The following SHISAL2A variants were observed in gnomAD, a reference collection of about 807,000 sequenced individuals.
The protein encoded by SHISAL2A is protein shisa-like-2A.
In SHISAL2A, 18 loss-of-function variants were observed where a neutral mutation model predicts 11.5. The ratio of observed to expected loss-of-function variants is 1.57; its 90% CI spans 1.08 to 2.33. SHISAL2A has a LOEUF of 2.33. SHISAL2A is among the 30% of genes most tolerant of loss of function. The probability of loss-of-function intolerance (pLI) is 0.00; values close to 1 mark genes in which losing one functional copy is unlikely to be tolerated. For missense variants in SHISAL2A, 261 were observed against 250.9 expected (o/e 1.04, Z -0.27); for synonymous variants, 94 against 99.6 (o/e 0.94, Z 0.34).
At chr1:52,659,640 G>C (rs541499384), downstream of SHISAL2A, 5 of 152,520 alleles carry the variant, frequency 3.3e-5, no homozygotes, top group African/African-American at 9.7e-5. Context: ...TAGTGAGAGC[G>C]AGCCAGTGTG....
In SHISAL2A at chr1:52,656,791, C is replaced by T; in HGVS notation, c.324C>T (p.Gly108=). ...CACCCTCAGTTTGCTGTTTTCCAGG[C>T]CCTGAGGAGGTTTCTCCTGACTGCC... ...LDLGLSLQTA[G]PEEVSPDCQG... is the part of the protein sequence containing the mutation. Residue 108 remains glycine (G), a splice_region_variant and synonymous_variant, in exon 3 of 3, where the codon GGC becomes GGT. Coordinates refer to ENST00000517870, the MANE Select transcript of SHISAL2A (RefSeq NM_001042693.3). 1.2e-6 allele frequency: 2 copies of T among 1,604,924 alleles called. No individual in the cohort carries two copies. The highest frequency in any genetic ancestry group is 1.7e-6 in the Non-Finnish European group (2 of 1,174,458).
downstream of SHISAL2A, among the ~76,000 whole-genome samples, chr1:52,658,175 G>A (rs1269848363): frequency 6.6e-6 from 1 of 152,076 alleles, no homozygotes; most frequent in Non-Finnish European, 1.5e-5. Context: ...AAGTAATTGG[G>A]ACTACAGGTG....
upstream of SHISAL2A, among the ~76,000 whole-genome samples, chr1:52,632,969 C>T (rs1395893083): frequency 6.6e-6 from 1 of 152,000 alleles, no homozygotes; most frequent in Non-Finnish European, 1.5e-5. Context: ...GCCGTGTGGT[C>T]GCCGGCTGGT....
intron 1 of SHISAL2A, among the ~76,000 whole-genome samples, chr1:52,638,485 G>C (rs1003128950): frequency 6.6e-6 from 1 of 152,162 alleles, no homozygotes; most frequent in African/African-American, 2.4e-5. Context: ...AAAAGGACAA[G>C]AGAAATGAAA....
intron 1 of SHISAL2A, among the ~76,000 whole-genome samples, chr1:52,642,449 G>GA (rs1691387925): frequency 1.4e-5 from 2 of 144,322 alleles, no homozygotes; most frequent in Admixed American, 7.0e-5. Flanking sequence ...TTTTTGAGAT[G>GA]GAGTCTTGCT....
intron 1 of SHISAL2A, among the ~76,000 whole-genome samples, chr1:52,640,332 A>G (rs1691333782): frequency 6.6e-6 from 1 of 152,204 alleles, no homozygotes; most frequent in Non-Finnish European, 1.5e-5. Context: ...AGGGTAGGCA[A>G]GGACAAAGCC....
intron 2 of SHISAL2A, among the ~76,000 whole-genome samples, chr1:52,650,892 G>A (rs568904817): frequency 4.8e-4 from 72 of 150,506 alleles, no homozygotes; most frequent in Non-Finnish European, 6.6e-4. Flanking sequence ...TGATCCACCC[G>A]TCTCAGCCTC....
In SHISAL2A at chr1:52,657,054, G is replaced by A. The variant is rs1216018473; in HGVS notation, c.*14G>A. The A allele has an allele frequency of 3.2e-6, 5 of 1,576,000 alleles. No homozygotes were observed. Among genetic ancestry groups the A allele is most frequent in the Middle Eastern group, 1.7e-4 (1 of 5,886 alleles). On this transcript the variant is annotated 3_prime_UTR_variant, in exon 3 of 3. Coordinates refer to ENST00000517870, the MANE Select transcript of SHISAL2A (RefSeq NM_001042693.3). ...CCAGTCCCATAAACATTCAATAAATGTCTCCATACCATCCCCTTCTGGAGT... is the reference window on the plus strand; with the variant it reads ...CCAGTCCCATAAACATTCAATAAATATCTCCATACCATCCCCTTCTGGAGT...
chr1:52,655,887 G>A (rs1691781465), intron 2 of SHISAL2A, among the ~76,000 whole-genome samples: 1 of 152,194 alleles, frequency 6.6e-6, no homozygotes, highest in African/African-American at 2.4e-5. Flanking sequence ...GCCGTTCCAG[G>A]GGTCTGGGCA....
At chr1:52,666,705 A>G (rs1011816339) in intron 4 of SHISAL2A, among the ~76,000 whole-genome samples, 1 of 152,084 alleles carries the variant, frequency 6.6e-6, no homozygotes, top group South Asian at 2.1e-4. Flanking sequence ...AAATTCTCAG[A>G]GGTAGTTGCC....
At chr1:52,639,405 C>T (rs1451668402) in intron 1 of SHISAL2A, among the ~76,000 whole-genome samples, 2 of 152,108 alleles carry the variant, frequency 1.3e-5, no homozygotes, top group Non-Finnish European at 2.9e-5. Context: ...GTGTGTCCTG[C>T]TCTTTTCAAT....
At chr1:52,667,453 A>G (rs1469487200) in exon 5 of SHISAL2A, 3 of 951,696 alleles carry the variant, frequency 3.2e-6, no homozygotes, top group African/African-American at 3.5e-5. Flanking sequence ...AAAGAGATTG[A>G]CTGCTGTGGA....
intron 1 of SHISAL2A, among the ~76,000 whole-genome samples, chr1:52,638,805 G>C (rs1691294160): frequency 6.6e-6 from 1 of 152,252 alleles, no homozygotes; most frequent in African/African-American, 2.4e-5. Context: ...ATGGGCTGGT[G>C]GGGTAAGGAA....
intron 1 of SHISAL2A, 55 bp from the exon 2 acceptor site, chr1:52,642,808 C>T (rs1246370528): frequency 6.4e-7 from 1 of 1,565,808 alleles, no homozygotes; most frequent in Admixed American, 1.7e-5. Flanking sequence ...TTTATAACAT[C>T]TGTCTCCCAA....
chr1:52,658,296 T>A (rs1176590888), downstream of SHISAL2A, among the ~76,000 whole-genome samples: 2 of 152,232 alleles, frequency 1.3e-5, no homozygotes, highest in Non-Finnish European at 2.9e-5. Context: ...TGCCTTGGCC[T>A]CCCAAAGTGC....
chr1:52,667,528 C>T (rs956480679), exon 5 of SHISAL2A: 57 of 335,350 alleles, frequency 1.7e-4, no homozygotes, highest in African/African-American at 1.2e-3. Context: ...TCATTGTCAT[C>T]GTCATCATTA....
At chr1:52,650,688 A>G (rs1206490680) in intron 2 of SHISAL2A, among the ~76,000 whole-genome samples, 2 of 120,256 alleles carry the variant, frequency 1.7e-5, no homozygotes, top group African/African-American at 6.3e-5. Flanking sequence ...TCTGTTACCC[A>G]GGCTGGAGTG....
intron 2 of SHISAL2A, among the ~76,000 whole-genome samples, chr1:52,654,075 G>C (rs80127752): frequency 0.047 from 7,123 of 152,110 alleles, 544 homozygotes; most frequent in African/African-American, 0.16. Context: ...ACCACACCCT[G>C]TTAATTTTTT....
chr1:52,645,882 A>G (rs971670406), intron 2 of SHISAL2A, among the ~76,000 whole-genome samples: 8 of 152,396 alleles, frequency 5.2e-5, no homozygotes, highest in African/African-American at 1.9e-4. Flanking sequence ...AATTAATTCT[A>G]AAGTTAATCT....
Sources: allele counts gnomAD v4.1 joint callset (sites outside exome capture counted in the v4.1 genomes callset), GRCh38; gene constraint gnomAD v4.1.1; transcripts MANE v1.5; gene names NCBI Gene and HGNC (gene_info 2026-07-23, HGNC 2026-07-21).